The following FNDC3B variants were observed in gnomAD, a reference collection of about 807,000 sequenced individuals.
FNDC3B encodes the protein fibronectin type III domain-containing protein 3B.
FNDC3B carries 12 observed loss-of-function variants against 151.5 expected under a neutral mutation model. The observed-to-expected ratio is 0.08, with a 90% CI of 0.05 to 0.13. The LOEUF (loss-of-function observed/expected upper bound fraction) is 0.13. FNDC3B is among the 10% of genes least tolerant of loss of function. The pLI is 1.00. For synonymous variants in FNDC3B, 528 were observed against 549.0 expected, an observed-to-expected ratio of 0.96 and a Z score of 0.54; for missense variants, 1,214 against 1,505.3, an observed-to-expected ratio of 0.81 and a Z score of 3.20.
chr3:172,296,871 G>A (rs1366801916), intron 8 of FNDC3B, among the ~76,000 whole-genome samples: 3 of 152,184 alleles, frequency 2.0e-5, no homozygotes, highest in South Asian at 2.1e-4. Flanking sequence ...CTGGGGACTT[G>A]AGTATGTGTA....
chr3:172,327,672 G>A, intron 11 of FNDC3B, among the ~76,000 whole-genome samples: 1 of 152,206 alleles, frequency 6.6e-6, no homozygotes, highest in East Asian at 1.9e-4. Context: ...CCAAAGTGCT[G>A]GGATTACAGG....
Position 172,317,418 on chromosome 3 carries a change from T to G in FNDC3B, c.1254+6537T>G, listed in dbSNP as rs2108264851. On this transcript the variant is annotated intron_variant, in intron 11 of 25. Transcript: ENST00000415807. Reference sequence around the variant, plus strand: ...CCAGCATGGTCTCGATCTCCTGACCTCGTGATCCGCCTGCCTCGGCCTCCC... The same window carrying G: ...CCAGCATGGTCTCGATCTCCTGACCGCGTGATCCGCCTGCCTCGGCCTCCC... 1.3e-5 allele frequency among the ~76,000 whole-genome samples: 2 copies of G among 151,902 alleles called. 1 individual carries two copies. Among genetic ancestry groups the G allele is most frequent in the South Asian group, 4.2e-4 (2 of 4,802 alleles).
At chr3:172,257,195 G>A (rs1166147968) in intron 6 of FNDC3B, among the ~76,000 whole-genome samples, 2 of 152,202 alleles carry the variant, frequency 1.3e-5, no homozygotes, top group African/African-American at 4.8e-5. Context: ...ACAGGTGTGA[G>A]CCACTGCGCC....
intron 21 of FNDC3B, among the ~76,000 whole-genome samples, chr3:172,350,288 C>G (rs1733797582): frequency 6.6e-6 from 1 of 152,104 alleles, no homozygotes; most frequent in African/African-American, 2.4e-5. Flanking sequence ...GAAACAAGCT[C>G]AGAGAAATTA....
intron 1 of FNDC3B, among the ~76,000 whole-genome samples, chr3:172,049,784 C>T (rs1042704176): frequency 6.6e-6 from 1 of 152,188 alleles, no homozygotes; most frequent in Non-Finnish European, 1.5e-5. Context: ...GCCTCTACCT[C>T]CCAAAGTCCT....
intron 9 of FNDC3B, among the ~76,000 whole-genome samples, chr3:172,306,319 A>C (rs1360054244): frequency 6.6e-6 from 1 of 152,222 alleles, no homozygotes; most frequent in Non-Finnish European, 1.5e-5. Flanking sequence ...CCAGGGATAA[A>C]TACCATTGAT....
At position 172,080,916 on chromosome 3, in the gene FNDC3B, G is replaced by A. The variant is rs147525708; in HGVS notation, c.-28-31536G>A. Among the ~76,000 whole-genome samples, 223 of 152,288 alleles carry A rather than the reference G, an allele frequency of 1.5e-3. 1 individual carries two copies. The highest frequency in any genetic ancestry group is 3.4e-3 in the Middle Eastern group (1 of 294). On this transcript the variant is annotated intron_variant, in intron 1 of 25. Transcript: ENST00000415807. The stretch of plus-strand genomic sequence containing the variant: ...TATAGTAACTTACTTAGGAATTCAT[G>A]TAAGTTAAGGACTTCAGCTGCTTAC...
intron 6 of FNDC3B, among the ~76,000 whole-genome samples, chr3:172,263,586 GTTTT>G (rs35762662): frequency 0.11 from 11,451 of 101,666 alleles, 296 homozygotes; most frequent in South Asian, 0.19. Context: ...GCTATCAAGT[GTTTT>G]TTTTTTTTTT....
chr3:172,084,970 A>G (rs1718476471), intron 1 of FNDC3B, among the ~76,000 whole-genome samples: 1 of 152,176 alleles, frequency 6.6e-6, no homozygotes, highest in South Asian at 2.1e-4. Flanking sequence ...TGAAGTTTCA[A>G]TTTCTGGAAC....
At chr3:172,072,137 C>T (rs949438523) in intron 1 of FNDC3B, among the ~76,000 whole-genome samples, 1 of 147,860 alleles carries the variant, frequency 6.8e-6, no homozygotes, top group Non-Finnish European at 1.5e-5. Flanking sequence ...TGGAAATACC[C>T]GCGTTATCTA....
chr3:172,050,928 C>T (rs79238110), intron 1 of FNDC3B, among the ~76,000 whole-genome samples: 14,681 of 152,048 alleles, frequency 0.097, 871 homozygotes, highest in Middle Eastern at 0.14. Flanking sequence ...ATGGTCTCCT[C>T]ATATCCAGGA....
At chr3:172,191,273 T>C (rs911895699) in intron 3 of FNDC3B, among the ~76,000 whole-genome samples, 1 of 152,188 alleles carries the variant, frequency 6.6e-6, no homozygotes, top group African/African-American at 2.4e-5. Context: ...TGTTGGCATA[T>C]ATTGAAAGAA....
intron 2 of FNDC3B, chr3:172,126,883 C>A: frequency 3.2e-6 from 1 of 315,684 alleles, no homozygotes; most frequent in Non-Finnish European, 6.5e-6. Flanking sequence ...TAATTCAAAC[C>A]ATTTTGTAGA....
In FNDC3B at chr3:172,258,201, G is replaced by C. The variant is rs1728462974; in HGVS notation, c.790+6660G>C. On this transcript the variant is annotated intron_variant, in intron 6 of 25. Transcript: ENST00000415807. ...AGCATACTCTTGGCATTTGACCTTT[G>C]GAATTGTTAACAATCCAAAGACTCA... Among the ~76,000 whole-genome samples, 3 of 152,200 alleles carry C rather than the reference G, an allele frequency of 2.0e-5. No homozygotes were observed. The South Asian group carries it at 6.2e-4, about 32-fold the overall frequency.
intron 1 of FNDC3B, among the ~76,000 whole-genome samples, chr3:172,045,794 CTA>C (rs1164183832): frequency 1.0e-3 from 150 of 146,886 alleles, no homozygotes; most frequent in East Asian, 1.4e-3. Flanking sequence ...CTCTCTCTCT[CTA>C]TATATATATA....
intron 3 of FNDC3B, among the ~76,000 whole-genome samples, chr3:172,142,540 A>C (rs1039042308): frequency 3.3e-5 from 5 of 152,206 alleles, no homozygotes; most frequent in African/African-American, 1.2e-4. Context: ...CACAGCTTGT[A>C]GTCTTTCAGT....
At chr3:172,117,052 T>G (rs1467287730) in intron 2 of FNDC3B, among the ~76,000 whole-genome samples, 2 of 152,236 alleles carry the variant, frequency 1.3e-5, no homozygotes, top group Non-Finnish European at 2.9e-5. Context: ...CAGATTCTTG[T>G]GTGGACATGT....
In FNDC3B at chr3:172,352,075, G is replaced by A. The variant is rs9821137; in HGVS notation, c.2515-728G>A. Among the ~76,000 whole-genome samples, 22,634 of 152,144 alleles carry A rather than the reference G, an allele frequency of 0.15. 1,915 individuals are homozygous for A. The highest frequency in any genetic ancestry group is 0.27 in the Middle Eastern group (79 of 294). ...GTAGAGGTAGAAAAGAGGAGGTACC[G>A]AAGTACTGAGGGCTGATACTCACCA... is the stretch of plus-strand genomic sequence containing the variant. On this transcript the variant is annotated intron_variant, in intron 21 of 25. Transcript: ENST00000415807. The surrounding 1 kb of genome is among the most constrained non-coding windows in gnomAD (Gnocchi z 4.2).
At chr3:172,346,159 C>G (rs1733603634) in intron 19 of FNDC3B, 168 bp from the exon 20 acceptor site, 1 of 413,336 alleles carries the variant, frequency 2.4e-6, no homozygotes, top group African/African-American at 2.0e-5. Context: ...GAAAAACTTA[C>G]ACACATTGAA....
Sources: gnomAD v4.1 joint callset for allele counts (sites outside exome capture counted in the v4.1 genomes callset) on GRCh38, gnomAD v4.1.1 for gene constraint, Gnocchi (gnomAD v3.1) non-coding constraint, MANE v1.5 for transcripts, NCBI Gene and HGNC (gene_info 2026-07-23, HGNC 2026-07-21) for gene names.